The following PTPN4 variants were observed in gnomAD, a reference collection of about 807,000 sequenced individuals.
PTPN4 encodes protein tyrosine phosphatase non-receptor type 4, also known as tyrosine-protein phosphatase non-receptor type 4.
Under a neutral mutation model 135.5 loss-of-function variants are expected in PTPN4, and 49 were observed. The observed-to-expected ratio is 0.36, with a 90% CI of 0.29 to 0.46. The LOEUF (loss-of-function observed/expected upper bound fraction) is 0.46, where lower values mean the gene tolerates loss of function less well. Ranked by LOEUF, PTPN4 falls within the 20% of genes least tolerant of loss-of-function variation. PTPN4 has a pLI of 1.00. For missense variants in PTPN4, 860 were observed against 1,101.0 expected (o/e 0.78, Z 3.10); for synonymous variants, 333 against 369.9 (o/e 0.90, Z 1.14).
At chr2:119,944,919 T>G (rs1005622881) in intron 15 of PTPN4, among the ~76,000 whole-genome samples, 162 bp from the exon 16 acceptor site, 2 of 152,134 alleles carry the variant, frequency 1.3e-5, no homozygotes, top group African/African-American at 4.8e-5. Flanking sequence ...AAATTAGATT[T>G]ATTACTTCAA....
intron 9 of PTPN4, among the ~76,000 whole-genome samples, chr2:119,889,396 G>A (rs1469891849): frequency 6.6e-6 from 1 of 152,124 alleles, no homozygotes; most frequent in African/African-American, 2.4e-5. Context: ...CTCCAGCCTG[G>A]GCGACAGAGA....
intron 2 of PTPN4, among the ~76,000 whole-genome samples, chr2:119,851,998 T>C (rs187458219): frequency 8.5e-5 from 13 of 152,338 alleles, no homozygotes; most frequent in African/African-American, 2.4e-4. Context: ...AGGTGAATTT[T>C]AGTAGGTTTT....
chr2:119,769,405 G>C (rs1025528418), intron 1 of PTPN4, among the ~76,000 whole-genome samples: 2 of 152,182 alleles, frequency 1.3e-5, no homozygotes, highest in African/African-American at 4.8e-5. Flanking sequence ...AACTCCCCAG[G>C]TCTCATCTCA....
chr2:119,789,091 CTTTTTTT>C (rs547900319), intron 1 of PTPN4, among the ~76,000 whole-genome samples: 1 of 142,696 alleles, frequency 7.0e-6, no homozygotes, highest in Admixed American at 7.1e-5. Context: ...TTTCTTTTTT[CTTTTTTT>C]TTTTTTAAAG....
chr2:119,767,863 T>G (rs997509068), intron 1 of PTPN4, among the ~76,000 whole-genome samples: 17 of 152,346 alleles, frequency 1.1e-4, no homozygotes, highest in African/African-American at 4.1e-4. Context: ...AATTCAAGTC[T>G]GCTGGGTTTC....
At chr2:119,939,944 A>C (rs1171870322) in intron 15 of PTPN4, among the ~76,000 whole-genome samples, 1 of 152,244 alleles carries the variant, frequency 6.6e-6, no homozygotes, top group African/African-American at 2.4e-5. Context: ...GTAACATATT[A>C]GATGCTGTTG....
At chr2:119,832,376 C>T (rs1313832215) in intron 2 of PTPN4, among the ~76,000 whole-genome samples, 2 of 151,926 alleles carry the variant, frequency 1.3e-5, no homozygotes, top group Admixed American at 6.6e-5. Context: ...AAAGAGGAGT[C>T]ATTTTTTTTT....
chr2:119,981,378 TG>T lies in PTPN4; in HGVS notation c.*4310del, dbSNP rs1037572211. On this transcript the variant is annotated 3_prime_UTR_variant, in exon 27 of 27. Coordinates refer to ENST00000263708, the MANE Select transcript of PTPN4 (RefSeq NM_002830.4). ...GCTTCACCTATCTGACTACAATTGC[TG>T]GAATCATTCTTTTTGTGGTGCTTCC... The T allele has an allele frequency of 2.0e-5, 3 of 152,106 alleles. No individual in the cohort carries two copies. Among genetic ancestry groups the T allele is most frequent in the African/African-American group, 4.8e-5 (2 of 41,460 alleles). 9.4% of individuals were successfully genotyped at this position (152,106 alleles called of 1,614,324 possible).
chr2:119,847,203 A>G lies in PTPN4; in HGVS notation c.139-15333A>G, dbSNP rs1261413061. On this transcript the variant is annotated intron_variant, in intron 2 of 26. Transcript: ENST00000263708. Reference sequence around the variant, plus strand: ...ATATAAAAAAATATATAGAGTATATATATACACACATATGGTTTTATACTA... The same window carrying G: ...ATATAAAAAAATATATAGAGTATATGTATACACACATATGGTTTTATACTA... 2.0e-5 allele frequency among the ~76,000 whole-genome samples: 3 copies of G among 147,840 alleles called. No individual in the cohort carries two copies. The Admixed American group carries it at 2.0e-4, about 10-fold the overall frequency.
At chr2:119,941,168 A>C (rs1679056931) in intron 15 of PTPN4, among the ~76,000 whole-genome samples, 1 of 152,120 alleles carries the variant, frequency 6.6e-6, no homozygotes, top group Non-Finnish European at 1.5e-5. Context: ...CATTATTTTT[A>C]ATGTATCATT....
rs960282013 is a variant in PTPN4, at chr2:119,956,926, T to C, written c.2063T>C (p.Ile688Thr). 6.2e-7 allele frequency: 1 copy of C among 1,610,336 alleles called. No individual in the cohort carries two copies. Residue 688 changes from isoleucine to threonine, a missense_variant, in exon 21 of 27, where the codon ATT becomes ACT. Coordinates refer to ENST00000263708, the MANE Select transcript of PTPN4 (RefSeq NM_002830.4). ...ATTTCCAAAAATAGATACAGAGATA[T>C]TTCGCCTTGTAAGTATCTTATTGTC... Reference protein sequence around the residue: ...QNISKNRYRDISPYDATRVIL... With the variant: ...QNISKNRYRDTSPYDATRVIL...
chr2:119,876,897 ATGTGTGTGTGTGTGTG>A (rs3835789), intron 3 of PTPN4, among the ~76,000 whole-genome samples: 41 of 136,138 alleles, frequency 3.0e-4, no homozygotes, highest in East Asian at 2.5e-3. Flanking sequence ...GCCCAAGAGC[ATGTGTGTGTGTGTGTG>A]TGTGTGTGTG....
rs943749450 is a variant in PTPN4 at position 119,760,271 on chromosome 2, G to A, written c.-131G>A. 9 of 396,240 alleles carry A rather than the reference G, an allele frequency of 2.3e-5. No homozygotes were observed. In the Admixed American group the frequency reaches 2.7e-4, roughly 12 times the overall value. The allele number at this position is 396,240 out of a possible 1,614,324, so 24.5% of individuals were successfully genotyped here. A position where few individuals can be genotyped will look rare whatever the true frequency, so the allele number is the denominator to read the frequency against. On this transcript the variant is annotated 5_prime_UTR_variant, in exon 1 of 27. Transcript: ENST00000263708. ...CGACCGCTGCGGCGGCGGCTGCTCG[G>A]GGGGCGCTGAGGTAGCCCCCCGGAG...
chr2:119,803,826 G>T (rs916719431), intron 1 of PTPN4, among the ~76,000 whole-genome samples: 1 of 151,320 alleles, frequency 6.6e-6, no homozygotes, highest in Non-Finnish European at 1.5e-5. Context: ...TTGCAGCTCT[G>T]TTGGTTGGTA....
At position 119,946,797 on chromosome 2, in the gene PTPN4, A is replaced by T. The variant is rs1679141216; in HGVS notation, c.1656+223A>T. The T allele has an allele frequency of 3.1e-5, 14 of 448,612 alleles. 1 individual carries two copies. In the South Asian group the frequency reaches 4.7e-4, roughly 15 times the overall value. The allele number at this position is 448,612 out of a possible 1,614,324, so 27.8% of individuals were successfully genotyped here. On this transcript the variant is annotated intron_variant, in intron 18 of 26. Transcript: ENST00000263708. ...TATAAAGAAGCTATTTATGACTTTC[A>T]TTGCTTCTAAAGCATTAACAGATTC...
At chr2:119,946,781 G>A (rs1485171714) in intron 18 of PTPN4, 1 of 467,042 alleles carries the variant, frequency 2.1e-6, no homozygotes, top group African/African-American at 2.0e-5. Context: ...TTATAAAGAA[G>A]CTATTTATGA....
In PTPN4 at chr2:119,980,302, A is replaced by G. The variant is rs2105071662; in HGVS notation, c.*3232A>G. 1 of 152,246 alleles carries G rather than the reference A, an allele frequency of 6.6e-6. No homozygotes were observed. Among genetic ancestry groups the G allele is most frequent in the Middle Eastern group, 3.4e-3 (1 of 294 alleles). The allele number at this position is 152,246 out of a possible 1,614,324, so 9.4% of individuals were successfully genotyped here. ...ATTTCACAAAGGCTAATGCCCACAG[A>G]GGAAAATGATTATTTTAACTTCTGG... On this transcript the variant is annotated 3_prime_UTR_variant, in exon 27 of 27. Coordinates refer to ENST00000263708, the MANE Select transcript of PTPN4 (RefSeq NM_002830.4).
At chr2:119,766,440 ATG>A (rs1491570463) in intron 1 of PTPN4, among the ~76,000 whole-genome samples, 1 of 87,444 alleles carries the variant, frequency 1.1e-5, no homozygotes, top group Admixed American at 1.2e-4. Context: ...GTGTATGCGC[ATG>A]TGCGCGCGTG....
At chr2:119,958,079 A>C (rs573354972) in intron 22 of PTPN4, among the ~76,000 whole-genome samples, 2 of 152,240 alleles carry the variant, frequency 1.3e-5, no homozygotes, top group South Asian at 4.1e-4. Context: ...ATACTAGAAA[A>C]AGCTTATTTA....
Sources: gnomAD v4.1 joint callset for allele counts (sites outside exome capture counted in the v4.1 genomes callset) on GRCh38, gnomAD v4.1.1 for gene constraint, MANE v1.5 for transcripts, NCBI Gene and HGNC (gene_info 2026-07-23, HGNC 2026-07-21) for gene names.